TXNDC16: variants seen among roughly 807,000 people sequenced by gnomAD.
TXNDC16 encodes thioredoxin domain-containing protein 16.
Under a neutral mutation model 85.6 loss-of-function variants are expected in TXNDC16, and 74 were observed. That is an observed-to-expected ratio of 0.86 (90% confidence interval 0.72 to 1.05). The LOEUF is 1.05. Among genes scored for constraint, TXNDC16 ranks in the 50% least tolerant of loss-of-function variants. The pLI is 0.00. For missense variants in TXNDC16, 959 were observed against 947.0 expected (o/e 1.01, Z -0.17); for synonymous variants, 335 against 326.5 (o/e 1.03, Z -0.28).
chr14:52,466,369 G>C (rs1258391748), intron 16 of TXNDC16, among the ~76,000 whole-genome samples: 7 of 114,250 alleles, frequency 6.1e-5, no homozygotes, highest in African/African-American at 2.5e-4. Context: ...CTCCAACCCG[G>C]ATGACAGAAC....
chr14:52,518,514 G>T (rs2037136891), intron 7 of TXNDC16, among the ~76,000 whole-genome samples: 1 of 152,128 alleles, frequency 6.6e-6, no homozygotes, highest in African/African-American at 2.4e-5. Context: ...CAATAGATCA[G>T]CAAACTCAGT....
At chr14:52,494,012 C>T (rs1275396453) in intron 9 of TXNDC16, among the ~76,000 whole-genome samples, 1 of 151,986 alleles carries the variant, frequency 6.6e-6, no homozygotes, top group Non-Finnish European at 1.5e-5. Flanking sequence ...AACTCCTGGA[C>T]TCAGCCAATC....
intron 16 of TXNDC16, among the ~76,000 whole-genome samples, chr14:52,460,772 G>A (rs958129567): frequency 8.5e-5 from 13 of 152,052 alleles, no homozygotes; most frequent in African/African-American, 3.1e-4. Context: ...TATAGAATAT[G>A]TCTCTTCTTT....
At chr14:52,542,970 AACAAT>A (rs1452000703) in intron 3 of TXNDC16, among the ~76,000 whole-genome samples, 1 of 152,220 alleles carries the variant, frequency 6.6e-6, no homozygotes, top group Non-Finnish European at 1.5e-5. Context: ...CAGTATAATT[AACAAT>A]ACAGCTAAAG....
At chr14:52,546,145 T>C (rs536647041) in intron 1 of TXNDC16, among the ~76,000 whole-genome samples, 2 of 151,804 alleles carry the variant, frequency 1.3e-5, no homozygotes, top group Non-Finnish European at 2.9e-5. Flanking sequence ...AAAATTGCCA[T>C]GCATGGTGGC....
intron 9 of TXNDC16, among the ~76,000 whole-genome samples, chr14:52,499,485 T>C (rs541570438): frequency 9.2e-5 from 14 of 152,172 alleles, no homozygotes; most frequent in Non-Finnish European, 1.9e-4. Context: ...AATAGACATT[T>C]TTCCAAAGAA....
intron 12 of TXNDC16, among the ~76,000 whole-genome samples, chr14:52,486,281 C>CTTT (rs35703912): frequency 5.2e-4 from 59 of 114,378 alleles, no homozygotes; most frequent in Non-Finnish European, 6.9e-4. Context: ...ACACATGCTG[C>CTTT]TTTTTTTTTT....
At chr14:52,488,666 T>G (rs962947264) in intron 11 of TXNDC16, among the ~76,000 whole-genome samples, 180 bp from the exon 12 acceptor site, 2 of 151,624 alleles carry the variant, frequency 1.3e-5, no homozygotes, top group Non-Finnish European at 2.9e-5. Flanking sequence ...TGAAACTGTC[T>G]CTACTAAAAA....
intron 9 of TXNDC16, among the ~76,000 whole-genome samples, chr14:52,500,627 AG>A (rs1338374896): frequency 6.6e-6 from 1 of 152,208 alleles, no homozygotes; most frequent in Non-Finnish European, 1.5e-5. Flanking sequence ...ATGGAAAAAA[AG>A]TCTCTAAAAT....
intron 4 of TXNDC16, among the ~76,000 whole-genome samples, chr14:52,541,224 A>G (rs2037824217): frequency 6.8e-6 from 1 of 146,636 alleles, no homozygotes. Context: ...CGACAAGAGC[A>G]AAACTCTGTC....
chr14:52,474,157 A>C (rs969256714), intron 14 of TXNDC16, among the ~76,000 whole-genome samples: 1 of 152,226 alleles, frequency 6.6e-6, no homozygotes, highest in Non-Finnish European at 1.5e-5. Context: ...GGGGGCAGGT[A>C]GTCTCTTCAT....
chr14:52,439,164 A>C (rs1374056824), intron 20 of TXNDC16, 40 bp downstream of exon 20: 8 of 1,570,040 alleles, frequency 5.1e-6, no homozygotes, highest in Non-Finnish European at 1.7e-6. Context: ...TATGGAACAA[A>C]ATGCAGAACT....
Position 52,439,351 on chromosome 14 carries a change from C to T in TXNDC16, c.2047G>A (p.Asp683Asn). 5 of 1,613,890 alleles carry T rather than the reference C, an allele frequency of 3.1e-6. No individual in the cohort carries two copies. The highest frequency in any genetic ancestry group is 4.2e-6 in the Non-Finnish European group (5 of 1,179,902). Reference sequence around the variant, plus strand: ...AGAAGAGGAAGGGGAGGCAGAGGATCAAAATATGCCCTCAAGATTCCTCTC... The same window carrying T: ...AGAAGAGGAAGGGGAGGCAGAGGATTAAAATATGCCCTCAAGATTCCTCTC... ...VGRGILRAYFDPLPPLPLLVL... is the reference protein window; with the variant it reads ...VGRGILRAYFNPLPPLPLLVL... The change falls in exon 20 of 21, where the codon GAT becomes AAT. Residue 683 changes from aspartate to asparagine, a missense_variant. Transcript: ENST00000281741.
Position 52,457,108 on chromosome 14 carries a change from T to C in TXNDC16, c.1685A>G (p.Glu562Gly). The change falls in exon 17 of 21, where the codon GAA becomes GGA. Residue 562 changes from glutamate (E) to glycine (G), a missense_variant. Transcript: ENST00000281741. ...AACTTACAGTAGCAAAACATCTTCT[T>C]CAGAATAAATTCCAGTGATAACATA... ...KGYVITGIYS[E>G]EDVLLLSTKY... 2 of 1,586,860 alleles carry C rather than the reference T, an allele frequency of 1.3e-6. No individual in the cohort carries two copies. Among genetic ancestry groups the C allele is most frequent in the Non-Finnish European group, 1.7e-6 (2 of 1,170,162 alleles).
intron 6 of TXNDC16, among the ~76,000 whole-genome samples, chr14:52,521,278 ATT>A (rs34014029): frequency 3.0e-5 from 4 of 134,406 alleles, no homozygotes; most frequent in African/African-American, 5.5e-5. Flanking sequence ...ACGCCTGGCT[ATT>A]TTTTTTTTTT....
At position 52,443,038 on chromosome 14, in the gene TXNDC16, T is replaced by C. The variant is rs115877440; in HGVS notation, c.1843-2314A>G. Among the ~76,000 whole-genome samples the C allele has an allele frequency of 4.3e-3, 657 of 152,256 alleles. 10 individuals carry two copies. The highest frequency in any genetic ancestry group is 0.015 in the African/African-American group (629 of 41,538). On this transcript the variant is annotated intron_variant, in intron 18 of 20. Coordinates refer to ENST00000281741, the MANE Select transcript of TXNDC16 (RefSeq NM_020784.3). ...TGGTTAATACTAAGTGTCAACTTGA[T>C]TGGATTGAGGGATGTAAAGTATTGA...
At position 52,495,091 on chromosome 14, in the gene TXNDC16, T is replaced by G. The variant is rs139882990; in HGVS notation, c.757-4086A>C. On this transcript the variant is annotated intron_variant, in intron 9 of 20. Transcript: ENST00000281741. ...GGTGTGCTTTGAGCAACTATCACTG[T>G]GTAGCAAAGTACCCTAAAACCTGGT... Among the ~76,000 whole-genome samples, 272 of 152,364 alleles carry G rather than the reference T, an allele frequency of 1.8e-3. 2 individuals carry two copies. Among genetic ancestry groups the G allele is most frequent in the African/African-American group, 6.3e-3 (263 of 41,586 alleles).
At chr14:52,492,891 T>C (rs1450250555) in intron 9 of TXNDC16, among the ~76,000 whole-genome samples, 6 of 152,202 alleles carry the variant, frequency 3.9e-5, no homozygotes, top group African/African-American at 1.4e-4. Context: ...CCCAACTGCC[T>C]TGAAGTCTCT....
At chr14:52,522,317 T>C (rs566658030) in intron 6 of TXNDC16, among the ~76,000 whole-genome samples, 4 of 152,366 alleles carry the variant, frequency 2.6e-5, no homozygotes, top group East Asian at 1.9e-4. Context: ...CTAAGCACTT[T>C]ATAAATAGTG....
Sources: gnomAD v4.1 joint callset for allele counts (sites outside exome capture counted in the v4.1 genomes callset) on GRCh38, gnomAD v4.1.1 for gene constraint, MANE v1.5 for transcripts, NCBI Gene and HGNC (gene_info 2026-07-23, HGNC 2026-07-21) for gene names.